PCDHA10: variants seen among roughly 807,000 people sequenced by gnomAD.
PCDHA10 encodes protocadherin alpha-10.
Under a neutral mutation model 61.2 loss-of-function variants are expected in PCDHA10, and 45 were observed. That is an observed-to-expected ratio of 0.74 (90% CI 0.58 to 0.94). The LOEUF (loss-of-function observed/expected upper bound fraction) is 0.94. Among genes scored for constraint, PCDHA10 ranks in the 40% least tolerant of loss-of-function variants. The pLI is 0.00. For synonymous variants in PCDHA10, 602 were observed against 548.8 expected (o/e 1.10, Z -1.35); for missense variants, 1,278 against 1,236.2 (o/e 1.03, Z -0.51).
chr5:140,974,680 T>C (rs2096636478), intron 1 of PCDHA10, among the ~76,000 whole-genome samples: 1 of 152,074 alleles, frequency 6.6e-6, no homozygotes, highest in African/African-American at 2.4e-5. Flanking sequence ...CCTGGCTAAT[T>C]TTGTATTTTT....
rs73793515 is a variant in PCDHA10 at position 140,889,833 on chromosome 5, T to C, written c.2388+31397T>C. ...TCAGGTCATAAGAAGTCTTACAGTA[T>C]GCTTTGGTCTCTGAGAATATTTGTT... On this transcript the variant is annotated intron_variant, in intron 1 of 3. Coordinates refer to ENST00000307360, the MANE Select transcript of PCDHA10 (RefSeq NM_018901.4). Among the ~76,000 whole-genome samples, 1,245 of 152,254 alleles carry C rather than the reference T, an allele frequency of 8.2e-3. 11 individuals are homozygous for C. The highest frequency in any genetic ancestry group is 0.029 in the African/African-American group (1,203 of 41,548).
intron 1 of PCDHA10, among the ~76,000 whole-genome samples, chr5:140,933,411 T>C (rs1174569571): frequency 6.6e-6 from 1 of 152,084 alleles, no homozygotes; most frequent in Non-Finnish European, 1.5e-5. Flanking sequence ...CATCTACAGA[T>C]ATTCTGTGTT....
At chr5:140,881,454 C>A in intron 1 of PCDHA10, 1 of 705,924 alleles carries the variant, frequency 1.4e-6, no homozygotes, top group Non-Finnish European at 1.7e-6. Context: ...AATCCAAAAC[C>A]TTAGAGCATT....
chr5:141,006,157 A>G (rs2098258108), intron 3 of PCDHA10, among the ~76,000 whole-genome samples: 1 of 150,182 alleles, frequency 6.7e-6, no homozygotes, highest in Non-Finnish European at 1.5e-5. Context: ...GGAGTGATAT[A>G]ATCTGATTTA....
chr5:140,932,430 G>A (rs1563132683), intron 1 of PCDHA10, among the ~76,000 whole-genome samples: 1 of 151,794 alleles, frequency 6.6e-6, no homozygotes, highest in East Asian at 1.9e-4. Context: ...TGTTCACCTG[G>A]AATTAAAGCA....
chr5:140,888,611 G>T (rs1554183538), intron 1 of PCDHA10, among the ~76,000 whole-genome samples: 1 of 152,144 alleles, frequency 6.6e-6, no homozygotes, highest in Non-Finnish European at 1.5e-5. Context: ...TTTTAGTGTA[G>T]CACTAATTCG....
At chr5:140,876,549 G>A in intron 1 of PCDHA10, 2 of 1,614,206 alleles carry the variant, frequency 1.2e-6, no homozygotes, top group Non-Finnish European at 1.7e-6. Flanking sequence ...CGCTCCCTGT[G>A]CAAGAGGATG....
At chr5:140,934,013 A>G (rs2089566693) in intron 1 of PCDHA10, among the ~76,000 whole-genome samples, 1 of 151,836 alleles carries the variant, frequency 6.6e-6, no homozygotes. Context: ...TTTCTTGACT[A>G]GACTTGGAAG....
chr5:140,883,362 C>T lies in PCDHA10; in HGVS notation c.2388+24926C>T, dbSNP rs1554177843. ...CTCCCCATCAGAGAAGACACTCAGC[C>T]TAGCGCCATTATTGCCCTAATCAGT... On this transcript the variant is annotated intron_variant, in intron 1 of 3. Transcript: ENST00000307360. The T allele has an allele frequency of 1.7e-5, 27 of 1,614,074 alleles. No homozygotes were observed. Among genetic ancestry groups the T allele is most frequent in the Non-Finnish European group, 2.3e-5 (27 of 1,180,046 alleles).
At chr5:140,913,867 T>G (rs1554196087) in intron 1 of PCDHA10, among the ~76,000 whole-genome samples, 2 of 152,234 alleles carry the variant, frequency 1.3e-5, no homozygotes. Flanking sequence ...TTGTTTAATT[T>G]CCATGTGTTC....
At chr5:140,918,226 T>C (rs528915665) in intron 1 of PCDHA10, among the ~76,000 whole-genome samples, 1 of 152,342 alleles carries the variant, frequency 6.6e-6, no homozygotes, top group African/African-American at 2.4e-5. Context: ...ATGCTGATTT[T>C]TGTACATTGA....
chr5:140,870,845 C>T lies in PCDHA10; in HGVS notation c.2388+12409C>T, dbSNP rs782454963. ...GGAGGCGCAGTTAACAAGCTAGTAC[C>T]GCGGTCGGTGGGTGCGGGCCACGTG... On this transcript the variant is annotated intron_variant, in intron 1 of 3. Transcript: ENST00000307360. The T allele has an allele frequency of 5.0e-6, 8 of 1,613,718 alleles. No individual in the cohort carries two copies. The highest frequency in any genetic ancestry group is 6.8e-6 in the Non-Finnish European group (8 of 1,179,896).
At chr5:140,991,277 C>G (rs1210642530) in intron 3 of PCDHA10, among the ~76,000 whole-genome samples, 1 of 152,148 alleles carries the variant, frequency 6.6e-6, no homozygotes, top group African/African-American at 2.4e-5. Flanking sequence ...CTGCTGAACT[C>G]TATACACTTA....
rs782257127 is a variant in PCDHA10, at chr5:140,870,719, C to G, written c.2388+12283C>G. On this transcript the variant is annotated intron_variant, in intron 1 of 3. Coordinates refer to ENST00000307360, the MANE Select transcript of PCDHA10 (RefSeq NM_018901.4). ...CAGTTCCAGGTGAGCGCGCGCGATG[C>G]GGGCGTGCCGCCTCTGAGCAGCAAC... 3.7e-6 allele frequency: 6 copies of G among 1,612,966 alleles called. No homozygotes were observed. In the African/African-American group the frequency reaches 4.0e-5, roughly 11 times the overall value.
intron 1 of PCDHA10, chr5:140,859,596 AT>A (rs1554152518): frequency 6.1e-6 from 1 of 164,060 alleles, no homozygotes; most frequent in Non-Finnish European, 1.3e-5. Flanking sequence ...GCTCTTAGCA[AT>A]TACTTTTTTC....
chr5:140,884,818 T>C (rs1298208791), intron 1 of PCDHA10: 1 of 1,050,614 alleles, frequency 9.5e-7, no homozygotes, highest in Non-Finnish European at 1.3e-6. Context: ...CTGTGGACAT[T>C]ATGTGTTGGA....
chr5:140,937,322 C>T (rs2091472402), intron 1 of PCDHA10, among the ~76,000 whole-genome samples: 1 of 152,084 alleles, frequency 6.6e-6, no homozygotes, highest in Non-Finnish European at 1.5e-5. Context: ...CAGGCGTGAG[C>T]CACCGCGCCC....
chr5:140,876,120 T>C (rs782687154), intron 1 of PCDHA10: 15 of 1,613,844 alleles, frequency 9.3e-6, no homozygotes, highest in East Asian at 6.7e-5. Context: ...TGGTAATCGA[T>C]GGCGGTAAAC....
At chr5:140,869,723 A>C (rs782155135) in intron 1 of PCDHA10, 8 of 1,613,430 alleles carry the variant, frequency 5.0e-6, no homozygotes, top group Non-Finnish European at 6.8e-6. Context: ...AAAACTCCGG[A>C]ACTTAATTTG....
Sources: allele counts gnomAD v4.1 joint callset (sites outside exome capture counted in the v4.1 genomes callset), GRCh38; gene constraint gnomAD v4.1.1; transcripts MANE v1.5; gene names NCBI Gene and HGNC (gene_info 2026-07-23, HGNC 2026-07-21).